Variants in USP34 observed in about 807,000 individuals in gnomAD.
USP34 encodes the protein ubiquitin carboxyl-terminal hydrolase 34.
Under a neutral mutation model 460.3 loss-of-function variants are expected in USP34, and 70 were observed. The observed-to-expected ratio is 0.15, with a 90% CI of 0.13 to 0.19. The LOEUF is 0.19. Among genes scored for constraint, USP34 ranks in the 10% least tolerant of loss-of-function variants. USP34 has a pLI of 1.00. For synonymous variants in USP34, 1,647 were observed against 1,405.3 expected, an observed-to-expected ratio of 1.17 and a Z score of -3.85; for missense variants, 3,985 against 4,236.2, an observed-to-expected ratio of 0.94 and a Z score of 1.65.
At chr2:61,333,513 A>G (rs537605455) in intron 19 of USP34, among the ~76,000 whole-genome samples, 13 of 152,036 alleles carry the variant, frequency 8.6e-5, no homozygotes, top group East Asian at 1.9e-4. Context: ...TACCCCAAAC[A>G]TGACATTAGG....
intron 22 of USP34, 89 bp from the exon 23 acceptor site, chr2:61,317,856 T>C (rs1440033660): frequency 4.2e-5 from 38 of 900,426 alleles, no homozygotes; most frequent in Non-Finnish European, 6.1e-5. Flanking sequence ...CTGAAAACAC[T>C]GTAGAAGGAA....
chr2:61,331,209 TG>T, intron 20 of USP34, 66 bp downstream of exon 20: 2 of 1,367,494 alleles, frequency 1.5e-6, no homozygotes, highest in Non-Finnish European at 1.0e-6. Context: ...GTTAAAACAC[TG>T]GAAAATCATC....
chr2:61,269,345 T>C (rs930386193), intron 41 of USP34, among the ~76,000 whole-genome samples: 4 of 132,532 alleles, frequency 3.0e-5, no homozygotes, highest in Non-Finnish European at 4.9e-5. Flanking sequence ...TTTTTTTTTT[T>C]AATAGAGACA....
rs552567905 is a variant in USP34, at chr2:61,234,520, G to A, written c.7032+1325C>T. Among the ~76,000 whole-genome samples, 43 of 152,322 alleles carry A rather than the reference G, an allele frequency of 2.8e-4. No homozygotes were observed. In the South Asian group the frequency reaches 8.5e-3, roughly 30 times the overall value. On this transcript the variant is annotated intron_variant, in intron 57 of 79. Transcript: ENST00000398571. ...TTTTTTGGCGGGGAGAGTGGGGAAA[G>A]AGGAAGTGACAGATGATGTTAAGCA...
At chr2:61,191,946 A>G (rs1373880455) in intron 76 of USP34, among the ~76,000 whole-genome samples, 1 of 152,224 alleles carries the variant, frequency 6.6e-6, no homozygotes, top group Non-Finnish European at 1.5e-5. Context: ...AGCCTCTGAA[A>G]GATTTCTACT....
At chr2:61,362,907 A>T (rs1182932496) in intron 10 of USP34, among the ~76,000 whole-genome samples, 1 of 152,194 alleles carries the variant, frequency 6.6e-6, no homozygotes, top group African/African-American at 2.4e-5. Context: ...TTTGCCTATT[A>T]TATCTCAATT....
chr2:61,405,904 T>C lies in USP34; in HGVS notation c.356A>G (p.Gln119Arg), dbSNP rs376461976. The C allele has an allele frequency of 5.0e-6, 8 of 1,613,674 alleles. No individual in the cohort carries two copies. Among genetic ancestry groups the C allele is most frequent in the Non-Finnish European group, 6.8e-6 (8 of 1,179,958 alleles). Residue 119 changes from glutamine to arginine, a missense_variant, in exon 3 of 80, where the codon CAA becomes CGA. Gln to Arg is a conservative substitution (Grantham distance 43). Transcript: ENST00000398571. ...RECNEGSTER[Q>R]KSIEKKSNST... ...GTTTGATTTTTTTTCTATTGATTTT[T>C]GTCTTTCTGTACTTCCTTCATTACA...
intron 33 of USP34, among the ~76,000 whole-genome samples, chr2:61,292,918 A>G (rs987148090): frequency 2.6e-5 from 4 of 152,182 alleles, no homozygotes; most frequent in Admixed American, 6.5e-5. Context: ...GTTCACAGAA[A>G]AAAAAATTCC....
intron 2 of USP34, among the ~76,000 whole-genome samples, chr2:61,409,436 G>A (rs1268677319): frequency 1.3e-5 from 2 of 152,072 alleles, no homozygotes; most frequent in African/African-American, 2.4e-5. Flanking sequence ...TGTTAGGGCC[G>A]GACACGGTGG....
At chr2:61,237,238 T>C (rs1016640280) in intron 53 of USP34, among the ~76,000 whole-genome samples, 2 of 152,162 alleles carry the variant, frequency 1.3e-5, no homozygotes, top group African/African-American at 4.8e-5. Flanking sequence ...TATCAGACTC[T>C]GTATCAGGCA....
chr2:61,464,326 C>A (rs1038772734), intron 1 of USP34, among the ~76,000 whole-genome samples: 10 of 151,378 alleles, frequency 6.6e-5, no homozygotes, highest in African/African-American at 2.4e-4. Context: ...CTCAAAAACA[C>A]CACCACCAAC....
chr2:61,347,831 G>A, intron 15 of USP34, 39 bp downstream of exon 15: 4 of 1,595,882 alleles, frequency 2.5e-6, no homozygotes, highest in South Asian at 1.1e-5. Context: ...CTTCCCTAAA[G>A]GAAATATGAA....
chr2:61,451,198 G>A (rs981828621), intron 1 of USP34, among the ~76,000 whole-genome samples: 1 of 119,870 alleles, frequency 8.3e-6, no homozygotes, highest in Non-Finnish European at 1.6e-5. Context: ...TCCAGCCCAG[G>A]TGACAGTGTG....
At chr2:61,207,153 G>C (rs1424654212) in intron 70 of USP34, 4 of 261,490 alleles carry the variant, frequency 1.5e-5, no homozygotes, top group African/African-American at 2.3e-5. Context: ...AAAAGTACTT[G>C]CTCTAAGATT....
Position 61,321,198 on chromosome 2 carries a change from C to T in USP34, c.3014-1871G>A, listed in dbSNP as rs143351132. On this transcript the variant is annotated intron_variant, in intron 21 of 79. Coordinates refer to ENST00000398571, the MANE Select transcript of USP34 (RefSeq NM_014709.4). ...AAAAAAAAACAAAAAAATGGCCAGG[C>T]GCAGTGGCTCATGCCTGTAATCCCA... Among the ~76,000 whole-genome samples, 654 of 151,982 alleles carry T rather than the reference C, an allele frequency of 4.3e-3. 3 individuals are homozygous for T. The highest frequency in any genetic ancestry group is 0.015 in the African/African-American group (623 of 41,476).
chr2:61,398,238 G>GT (rs1316908476), intron 3 of USP34, among the ~76,000 whole-genome samples: 1 of 151,934 alleles, frequency 6.6e-6, no homozygotes, highest in Non-Finnish European at 1.5e-5. Context: ...ATGGTGGTGC[G>GT]TGTCTGTTGT....
intron 41 of USP34, among the ~76,000 whole-genome samples, chr2:61,272,527 A>G (rs929296614): frequency 1.3e-5 from 2 of 152,092 alleles, no homozygotes; most frequent in Non-Finnish European, 2.9e-5. Context: ...TCCACGTCAA[A>G]GCACTTTTCA....
At chr2:61,441,634 C>T (rs2593625) in intron 1 of USP34, among the ~76,000 whole-genome samples, 97,128 of 151,076 alleles carry the variant, frequency 0.64, 31,332 homozygotes, top group Middle Eastern at 0.7. Flanking sequence ...CACAGAAATG[C>T]GTAAGTGCCA....
At chr2:61,379,605 C>T (rs1035183892) in intron 7 of USP34, among the ~76,000 whole-genome samples, 2 of 152,198 alleles carry the variant, frequency 1.3e-5, no homozygotes, top group African/African-American at 4.8e-5. Context: ...AAAGCATATT[C>T]ATTCTGAGGG....
Sources: allele counts gnomAD v4.1 joint callset (sites outside exome capture counted in the v4.1 genomes callset), GRCh38; gene constraint gnomAD v4.1.1; transcripts MANE v1.5; gene names NCBI Gene and HGNC (gene_info 2026-07-23, HGNC 2026-07-21).